The following ARID2 variants were observed in gnomAD, a reference collection of about 807,000 sequenced individuals.
The protein encoded by ARID2 is AT-rich interactive domain-containing protein 2.
Under a neutral mutation model 184.6 loss-of-function variants are expected in ARID2, and 32 were observed. That is an observed-to-expected ratio of 0.17 (90% CI 0.13 to 0.23). The LOEUF (loss-of-function observed/expected upper bound fraction) is 0.23, where lower values mean the gene tolerates loss of function less well. ARID2 is among the 10% of genes least tolerant of loss of function. The pLI is 1.00. For missense variants in ARID2, 1,696 were observed against 2,197.6 expected (o/e 0.77, Z 4.56); for synonymous variants, 836 against 772.6 (o/e 1.08, Z -1.36).
Position 45,746,100 on chromosome 12 carries a change from A to ATTTTTTTTT in ARID2, c.284+14793_284+14801dup, listed in dbSNP as rs34374158. On this transcript the variant is annotated intron_variant, in intron 3 of 20. Coordinates refer to ENST00000334344, the MANE Select transcript of ARID2 (RefSeq NM_152641.4). Reference sequence around the variant, plus strand: ...GAAGTAATAGATAGATTCTGGTTTGATTTTTTTTTTTTTTTCCTTTGGAGA... The same window carrying ATTTTTTTTT: ...GAAGTAATAGATAGATTCTGGTTTGATTTTTTTTTTTTTTTTTTTTTTTTCCTTTGGAGA... Among the ~76,000 whole-genome samples, 811 of 140,080 alleles carry ATTTTTTTTT rather than the reference A, an allele frequency of 5.8e-3. 13 individuals are homozygous for ATTTTTTTTT. In the South Asian group the frequency reaches 0.059, roughly 10 times the overall value. 91.9% of individuals were successfully genotyped at this position (140,080 alleles called of 152,430 possible).
intron 3 of ARID2, among the ~76,000 whole-genome samples, chr12:45,741,502 T>C (rs931277892): frequency 6.6e-6 from 1 of 152,242 alleles, no homozygotes; most frequent in African/African-American, 2.4e-5. Flanking sequence ...TGGCTCCTTT[T>C]ACATTTCTCC....
intron 11 of ARID2, chr12:45,846,207 A>G (rs1281259805): frequency 3.9e-5 from 6 of 152,326 alleles, no homozygotes; most frequent in East Asian, 3.9e-4. Flanking sequence ...GGAAAAAAGT[A>G]TAATTCAAAT....
At chr12:45,768,472 C>T (rs897183054) in intron 3 of ARID2, among the ~76,000 whole-genome samples, 1 of 152,138 alleles carries the variant, frequency 6.6e-6, no homozygotes, top group South Asian at 2.1e-4. Flanking sequence ...GAGAAGTGCA[C>T]CATTGTTCCC....
At chr12:45,735,418 CGTGTGTGTGTGTGTGT>C (rs56133410) in intron 3 of ARID2, among the ~76,000 whole-genome samples, 3 of 141,322 alleles carry the variant, frequency 2.1e-5, no homozygotes, top group South Asian at 2.3e-4. Context: ...TAAACTGTAT[CGTGTGTGTGTGTGTGT>C]GTGTGTGTGT....
intron 2 of ARID2, 125 bp downstream of exon 2, chr12:45,730,262 TC>T: frequency 2.5e-6 from 2 of 807,606 alleles, no homozygotes; most frequent in Non-Finnish European, 3.6e-6. Flanking sequence ...TTCTTTTCGC[TC>T]CCAGCCGGTG....
chr12:45,735,018 A>G (rs549482102), intron 3 of ARID2, among the ~76,000 whole-genome samples: 2 of 152,262 alleles, frequency 1.3e-5, no homozygotes, highest in African/African-American at 2.4e-5. Context: ...ATTCATTTCT[A>G]TTTATATGTA....
rs555600762 is a variant in ARID2 at position 45,860,418 on chromosome 12, G to A, written c.4774-383G>A. Among the ~76,000 whole-genome samples the A allele has an allele frequency of 2.6e-5, 4 of 152,172 alleles. No individual in the cohort carries two copies. In the South Asian group the frequency reaches 8.3e-4, roughly 32 times the overall value. ...CTAAAAGTAAACATACAAAAAAGTA[G>A]TAACTTGCAGTTGATCTGTTCTTGT... On this transcript the variant is annotated intron_variant, in intron 15 of 20. Coordinates refer to ENST00000334344, the MANE Select transcript of ARID2 (RefSeq NM_152641.4).
intron 20 of ARID2, 112 bp downstream of exon 20, chr12:45,893,833 G>C (rs1944335048): frequency 2.0e-6 from 2 of 978,098 alleles, no homozygotes; most frequent in East Asian, 5.7e-5. Flanking sequence ...CATCAATTTT[G>C]CAAATACATC....
chr12:45,899,731 ATATATGGTTT>A (rs1565645003), intron 20 of ARID2, among the ~76,000 whole-genome samples: 4 of 145,962 alleles, frequency 2.7e-5, no homozygotes, highest in African/African-American at 7.5e-5. Flanking sequence ...ATGGTTATAT[ATATATGGTTT>A]TATATATATA....
chr12:45,855,949 A>G (rs1943639546), intron 15 of ARID2, among the ~76,000 whole-genome samples: 1 of 152,024 alleles, frequency 6.6e-6, no homozygotes, highest in South Asian at 2.1e-4. Context: ...GCTGGTCTTA[A>G]ACTCCTAGCA....
intron 16 of ARID2, chr12:45,881,915 G>C (rs1021925728): frequency 5.0e-6 from 1 of 201,564 alleles, no homozygotes; most frequent in African/African-American, 2.4e-5. Context: ...CAGAGCCGTG[G>C]AACATGCCAG....
intron 3 of ARID2, among the ~76,000 whole-genome samples, chr12:45,766,578 A>G (rs1034086288): frequency 6.6e-6 from 1 of 151,140 alleles, no homozygotes; most frequent in African/African-American, 2.4e-5. Context: ...CAGTGGCGCA[A>G]TCTTGGCTCA....
intron 16 of ARID2, among the ~76,000 whole-genome samples, chr12:45,866,779 A>ATTACATC (rs1186861175): frequency 6.6e-6 from 1 of 152,212 alleles, no homozygotes; most frequent in African/African-American, 2.4e-5. Flanking sequence ...CCCCACAAAT[A>ATTACATC]TTACATCTTT....
intron 16 of ARID2, among the ~76,000 whole-genome samples, chr12:45,865,639 T>A (rs752759633): frequency 6.6e-6 from 1 of 152,184 alleles, no homozygotes; most frequent in Non-Finnish European, 1.5e-5. Flanking sequence ...TTAGAACTTA[T>A]GTGATTTTTT....
At chr12:45,801,048 C>A (rs980084644) in intron 3 of ARID2, among the ~76,000 whole-genome samples, 1 of 152,176 alleles carries the variant, frequency 6.6e-6, no homozygotes, top group Admixed American at 6.5e-5. Flanking sequence ...ATTACTTTCT[C>A]ACGCCTGTAA....
intron 16 of ARID2, among the ~76,000 whole-genome samples, chr12:45,862,770 C>G (rs1943770176): frequency 6.6e-6 from 1 of 152,158 alleles, no homozygotes; most frequent in Non-Finnish European, 1.5e-5. Flanking sequence ...GTTAATGAAC[C>G]TAGATGTCTG....
At chr12:45,883,753 A>T (rs930946525) in intron 16 of ARID2, among the ~76,000 whole-genome samples, 1 of 151,864 alleles carries the variant, frequency 6.6e-6, no homozygotes, top group Non-Finnish European at 1.5e-5. Flanking sequence ...AACTCTGGAA[A>T]AGTTACTTTT....
At chr12:45,842,422 A>G (rs1056037512) in intron 11 of ARID2, among the ~76,000 whole-genome samples, 4 of 151,846 alleles carry the variant, frequency 2.6e-5, no homozygotes, top group African/African-American at 7.3e-5. Flanking sequence ...TTATTAATAA[A>G]TGGTACATCA....
At chr12:45,853,227 G>GTT (rs1943588760) in intron 15 of ARID2, among the ~76,000 whole-genome samples, 3 of 152,110 alleles carry the variant, frequency 2.0e-5, no homozygotes, top group Non-Finnish European at 4.4e-5. Flanking sequence ...AAGTGTTGGG[G>GTT]GGAATGGGGG....
Sources: gnomAD v4.1 joint callset for allele counts (sites outside exome capture counted in the v4.1 genomes callset) on GRCh38, gnomAD v4.1.1 for gene constraint, MANE v1.5 for transcripts, NCBI Gene and HGNC (gene_info 2026-07-23, HGNC 2026-07-21) for gene names.